The following SHANK2 variants were observed in gnomAD, a reference collection of about 807,000 sequenced individuals.
The protein encoded by SHANK2 is SH3 and multiple ankyrin repeat domains protein 2.
Under a neutral mutation model 133.7 loss-of-function variants are expected in SHANK2, and 43 were observed. That is an observed-to-expected ratio of 0.32 (90% confidence interval 0.25 to 0.41). The LOEUF (loss-of-function observed/expected upper bound fraction) is 0.41. SHANK2 is among the 10% of genes least tolerant of loss of function. The pLI is 1.00. For missense variants in SHANK2, 1,994 were observed against 2,235.8 expected (o/e 0.89, Z 2.18); for synonymous variants, 1,017 against 952.8 (o/e 1.07, Z -1.24).
intron 17 of SHANK2, among the ~76,000 whole-genome samples, chr11:70,555,712 T>C (rs1554979405): frequency 6.6e-6 from 1 of 151,838 alleles, no homozygotes; most frequent in Non-Finnish European, 1.5e-5. Flanking sequence ...GGTGAAAGAG[T>C]GAGACCCTGT....
intron 11 of SHANK2, among the ~76,000 whole-genome samples, chr11:70,874,812 T>C (rs1314375985): frequency 6.6e-6 from 1 of 152,162 alleles, no homozygotes; most frequent in Admixed American, 6.5e-5. Context: ...TTTGTCTTTA[T>C]AGTTACTGTG....
Position 70,648,506 on chromosome 11 carries a change from C to T in SHANK2, c.2061+11322G>A, listed in dbSNP as rs143755069. ...TTTTATTTGTGTCTGACATGATTTA[C>T]TCGAAACACAGTGAAATAATGCTAA... On this transcript the variant is annotated intron_variant, in intron 17 of 25. Transcript: ENST00000601538. Among the ~76,000 whole-genome samples the T allele has an allele frequency of 6.5e-4, 99 of 152,242 alleles. 3 individuals are homozygous for T. In the East Asian group the frequency reaches 0.018, roughly 28 times the overall value.
chr11:70,496,888 C>T, intron 21 of SHANK2: 1 of 449,442 alleles, frequency 2.2e-6, no homozygotes, highest in South Asian at 1.6e-5. Flanking sequence ...TACCCATCAT[C>T]ACAGTCGCCA....
intron 14 of SHANK2, among the ~76,000 whole-genome samples, chr11:70,789,274 C>T (rs1050543359): frequency 6.6e-6 from 1 of 152,182 alleles, no homozygotes; most frequent in Non-Finnish European, 1.5e-5. Context: ...GTCTCTTCTC[C>T]ATTGAGTGCC....
At chr11:71,189,908 GCTTCACCACGA>G (rs1953756317) in intron 2 of SHANK2, among the ~76,000 whole-genome samples, 1 of 152,238 alleles carries the variant, frequency 6.6e-6, no homozygotes, top group Admixed American at 6.5e-5. Flanking sequence ...TCTGGGGGAG[GCTTCACCACGA>G]CTGTTAGGAC....
At chr11:71,227,940 A>G (rs1206993917) in intron 1 of SHANK2, among the ~76,000 whole-genome samples, 2 of 152,150 alleles carry the variant, frequency 1.3e-5, no homozygotes, top group Admixed American at 1.3e-4. Context: ...GGAAACAGAA[A>G]AACAACAGAG....
At position 70,672,060 on chromosome 11, in the gene SHANK2, C is replaced by CTTTT. The variant is rs201865483; in HGVS notation, c.1854-10386_1854-10383dup. On this transcript the variant is annotated intron_variant, in intron 15 of 25. Coordinates refer to ENST00000601538, the MANE Select transcript of SHANK2 (RefSeq NM_012309.5). ...CAGATCCCCACCATACTTTTCTTTTCTTTTTCTTTTTTTTTTTTTTTTAGA... is the reference window on the plus strand; with the variant it reads ...CAGATCCCCACCATACTTTTCTTTTCTTTTTTTTTCTTTTTTTTTTTTTTTTAGA... 8.0e-3 allele frequency among the ~76,000 whole-genome samples: 966 copies of CTTTT among 120,760 alleles called. 35 individuals carry two copies. The highest frequency in any genetic ancestry group is 0.025 in the African/African-American group (837 of 33,082). 79.2% of individuals were successfully genotyped at this position (120,760 alleles called of 152,430 possible). A position where few individuals can be genotyped will look rare whatever the true frequency, so the allele number is the denominator to read the frequency against.
At chr11:71,162,949 T>C (rs1201172450) in intron 2 of SHANK2, among the ~76,000 whole-genome samples, 52 of 151,082 alleles carry the variant, frequency 3.4e-4, no homozygotes, top group African/African-American at 1.2e-3. Flanking sequence ...GGCGGACGCC[T>C]GTAGTCCCAG....
intron 2 of SHANK2, among the ~76,000 whole-genome samples, chr11:71,157,982 A>G (rs1464641949): frequency 6.6e-6 from 1 of 152,220 alleles, no homozygotes; most frequent in African/African-American, 2.4e-5. Flanking sequence ...CAAGAGGCCC[A>G]GCCACGGACA....
At chr11:70,718,482 A>AC (rs146163037) in intron 14 of SHANK2, among the ~76,000 whole-genome samples, 1 of 151,014 alleles carries the variant, frequency 6.6e-6, no homozygotes, top group African/African-American at 2.4e-5. Context: ...TTGGGGAAAA[A>AC]TCCATGGACA....
chr11:71,218,025 T>C (rs1416135783), intron 2 of SHANK2, among the ~76,000 whole-genome samples: 1 of 151,934 alleles, frequency 6.6e-6, no homozygotes, highest in Non-Finnish European at 1.5e-5. Context: ...TAATTTTTTG[T>C]ATTTTTAGAA....
chr11:70,527,203 C>G (rs2059410080), intron 17 of SHANK2, among the ~76,000 whole-genome samples: 4 of 152,188 alleles, frequency 2.6e-5, no homozygotes, highest in Non-Finnish European at 5.9e-5. Flanking sequence ...ACCAGATGCT[C>G]CTGAACATTC....
At chr11:71,239,304 G>A (rs782776375) in intron 1 of SHANK2, among the ~76,000 whole-genome samples, 2 of 152,202 alleles carry the variant, frequency 1.3e-5, no homozygotes, top group Non-Finnish European at 2.9e-5. Flanking sequence ...GTGATTCCAT[G>A]AGACCATATG....
At chr11:70,661,522 C>T (rs1337462055) in intron 16 of SHANK2, 74 bp downstream of exon 16, 10 of 301,470 alleles carry the variant, frequency 3.3e-5, no homozygotes, top group Non-Finnish European at 5.3e-5. Context: ...CACACACACA[C>T]ACACACACAC....
chr11:70,471,157 A>ATAAAC lies in SHANK2; in HGVS notation c.*1707_*1711dup, dbSNP rs2058593454. The ATAAAC allele has an allele frequency of 2.5e-6, 1 of 398,274 alleles. No homozygotes were observed. Among genetic ancestry groups the ATAAAC allele is most frequent in the African/African-American group, 2.1e-5 (1 of 48,620 alleles). 24.7% of individuals were successfully genotyped at this position (398,274 alleles called of 1,614,324 possible). On this transcript the variant is annotated 3_prime_UTR_variant, in exon 26 of 26. Transcript: ENST00000601538. This position sits in a 1 kb window ranked among gnomAD's most constrained non-coding sequence, Gnocchi z 4.1. ...TTTTTTTTCTTAAAATATTGTGCTT[A>ATAAAC]TAAACTATCTGTACAACTATTTAAA... is the stretch of plus-strand genomic sequence containing the variant.
intron 9 of SHANK2, among the ~76,000 whole-genome samples, chr11:71,056,793 C>T (rs920021771): frequency 1.0e-3 from 131 of 129,778 alleles, no homozygotes; most frequent in Non-Finnish European, 1.9e-3. Context: ...AAGTCTTGCA[C>T]ATGTATATAA....
At chr11:70,565,185 TG>T (rs2059952643) in intron 17 of SHANK2, among the ~76,000 whole-genome samples, 1 of 151,932 alleles carries the variant, frequency 6.6e-6, no homozygotes, top group Non-Finnish European at 1.5e-5. Flanking sequence ...AGCTTTGTTC[TG>T]GGTGTAGTTA....
rs568639098 is a variant in SHANK2, at chr11:70,798,432, G to T, written c.1777+11C>A. Reference sequence around the variant, plus strand: ...GGATCGAGGGTGGGCGGCCACGAGCGCTCGCCTTACCTGCCTGGCTGTCCC... The same window carrying T: ...GGATCGAGGGTGGGCGGCCACGAGCTCTCGCCTTACCTGCCTGGCTGTCCC... On this transcript the variant is annotated intron_variant, in intron 14 of 25. Coordinates refer to ENST00000601538, the MANE Select transcript of SHANK2 (RefSeq NM_012309.5). 1 of 717,646 alleles carries T rather than the reference G, an allele frequency of 1.4e-6. No homozygotes were observed. The highest frequency in any genetic ancestry group is 2.6e-6 in the Non-Finnish European group (1 of 385,046). The allele number at this position is 717,646 out of a possible 1,614,324, so 44.5% of individuals were successfully genotyped here. A position where few individuals can be genotyped will look rare whatever the true frequency, so the allele number is the denominator to read the frequency against.
chr11:70,578,343 A>C (rs2060142402), intron 17 of SHANK2, among the ~76,000 whole-genome samples: 1 of 152,186 alleles, frequency 6.6e-6, no homozygotes, highest in Admixed American at 6.5e-5. Flanking sequence ...TTGAACTTTT[A>C]TTCCAGCCCC....
Sources: allele counts gnomAD v4.1 joint callset (sites outside exome capture counted in the v4.1 genomes callset), GRCh38; gene constraint gnomAD v4.1.1; non-coding constraint Gnocchi (gnomAD v3.1); transcripts MANE v1.5; gene names NCBI Gene and HGNC (gene_info 2026-07-23, HGNC 2026-07-21).